Variants in CACNA1E observed in about 807,000 individuals in gnomAD.
The protein encoded by CACNA1E is calcium voltage-gated channel subunit alpha1 E.
Under a neutral mutation model 259.2 loss-of-function variants are expected in CACNA1E, and 40 were observed. The ratio of observed to expected loss-of-function variants is 0.15; its 90% CI spans 0.12 to 0.20. The LOEUF (loss-of-function observed/expected upper bound fraction) is 0.20. Ranked by LOEUF, CACNA1E falls within the 10% of genes least tolerant of loss-of-function variation. The pLI is 1.00. For synonymous variants in CACNA1E, 1,104 were observed against 1,138.5 expected (o/e 0.97, Z 0.61); for missense variants, 1,874 against 3,040.1 (o/e 0.62, Z 9.02).
chr1:181,680,487 G>A (rs548004257), intron 7 of CACNA1E, among the ~76,000 whole-genome samples: 1 of 152,244 alleles, frequency 6.6e-6, no homozygotes, highest in Admixed American at 6.5e-5. Flanking sequence ...CCAACCCACA[G>A]GGCCGGGAAA....
At chr1:181,649,813 G>A (rs905636707) in intron 6 of CACNA1E, among the ~76,000 whole-genome samples, 1 of 152,124 alleles carries the variant, frequency 6.6e-6, no homozygotes, top group African/African-American at 2.4e-5. Context: ...GAGAACACAT[G>A]GACATATAGA....
At chr1:181,546,016 T>A (rs1572165180) in intron 3 of CACNA1E, among the ~76,000 whole-genome samples, 1 of 151,904 alleles carries the variant, frequency 6.6e-6, no homozygotes, top group Non-Finnish European at 1.5e-5. Flanking sequence ...AGGGTTGGGG[T>A]GCTGCAGGAG....
intron 30 of CACNA1E, 40 bp downstream of exon 30, chr1:181,757,166 C>G: frequency 6.9e-7 from 1 of 1,441,552 alleles, no homozygotes; most frequent in Non-Finnish European, 9.7e-7. Flanking sequence ...AGCAGAGGCT[C>G]CAGAAAGGAT....
At chr1:181,734,388 C>T (rs1228707200) in intron 21 of CACNA1E, among the ~76,000 whole-genome samples, 6 of 151,782 alleles carry the variant, frequency 4.0e-5, no homozygotes, top group Non-Finnish European at 8.8e-5. Flanking sequence ...AAAAAAAAAG[C>T]ACTTCCCCAC....
chr1:181,350,530 A>G (rs900125284), intron 1 of CACNA1E, among the ~76,000 whole-genome samples: 2 of 152,302 alleles, frequency 1.3e-5, no homozygotes, highest in African/African-American at 4.8e-5. Flanking sequence ...GGAACCTCAC[A>G]AGGACTCGCA....
intron 1 of CACNA1E, among the ~76,000 whole-genome samples, chr1:181,388,840 A>C (rs1656046712): frequency 6.6e-6 from 1 of 152,066 alleles, no homozygotes; most frequent in South Asian, 2.1e-4. Flanking sequence ...GCAGTAAGCC[A>C]AGATGGCGCC....
chr1:181,554,422 T>A (rs892578477), intron 3 of CACNA1E, among the ~76,000 whole-genome samples: 1 of 152,260 alleles, frequency 6.6e-6, no homozygotes, highest in South Asian at 2.1e-4. Flanking sequence ...GCAGATGAGA[T>A]TTTTGTCAAG....
intron 40 of CACNA1E, among the ~76,000 whole-genome samples, chr1:181,784,299 G>T (rs1415859529): frequency 6.6e-6 from 1 of 152,148 alleles, no homozygotes; most frequent in African/African-American, 2.4e-5. Flanking sequence ...TGGAGTTAGG[G>T]TTGCTGGAGG....
chr1:181,426,944 C>G (rs1659314591), intron 2 of CACNA1E, among the ~76,000 whole-genome samples: 1 of 148,304 alleles, frequency 6.7e-6, no homozygotes, highest in Non-Finnish European at 1.5e-5. Flanking sequence ...CGCTGCCCAT[C>G]TCAACCCCTT....
chr1:181,501,296 C>T (rs141695252), intron 1 of CACNA1E, among the ~76,000 whole-genome samples: 161 of 152,312 alleles, frequency 1.1e-3, no homozygotes, highest in African/African-American at 3.8e-3. Context: ...GGAGACAGTA[C>T]TGTCTTATTT....
intron 3 of CACNA1E, among the ~76,000 whole-genome samples, chr1:181,535,110 G>A (rs1024660382): frequency 9.9e-5 from 15 of 152,140 alleles, no homozygotes; most frequent in Non-Finnish European, 1.8e-4. Context: ...CTTATGCACC[G>A]TCAGAATAAA....
chr1:181,755,431 C>A, intron 28 of CACNA1E, 34 bp downstream of exon 28: 1 of 1,586,968 alleles, frequency 6.3e-7, no homozygotes, highest in Non-Finnish European at 8.6e-7. Flanking sequence ...CTTGATTTTG[C>A]TGAAGCATGT....
At chr1:181,634,424 C>T (rs971156351) in intron 6 of CACNA1E, among the ~76,000 whole-genome samples, 2 of 152,232 alleles carry the variant, frequency 1.3e-5, no homozygotes, top group East Asian at 1.9e-4. Flanking sequence ...GCGAGACTGT[C>T]TTCCATGCAG....
chr1:181,546,934 C>A (rs1014461182), intron 3 of CACNA1E, among the ~76,000 whole-genome samples: 2 of 152,124 alleles, frequency 1.3e-5, no homozygotes, highest in Non-Finnish European at 2.9e-5. Flanking sequence ...TTAAATCAAG[C>A]GATCTGTTCT....
At chr1:181,602,070 C>T (rs1191018498) in intron 6 of CACNA1E, among the ~76,000 whole-genome samples, 1 of 152,208 alleles carries the variant, frequency 6.6e-6, no homozygotes, top group Non-Finnish European at 1.5e-5. Context: ...TCCTGACCAT[C>T]GTATTTAAAA....
chr1:181,462,933 T>G (rs767522042), intron 2 of CACNA1E, among the ~76,000 whole-genome samples: 32 of 145,030 alleles, frequency 2.2e-4, no homozygotes, highest in Non-Finnish European at 4.0e-4. Flanking sequence ...GCTATAATTT[T>G]TTGTTATTAC....
rs1655563590 is a variant in CACNA1E, at chr1:181,732,321, G to A, written c.2298-63G>A. The A allele has an allele frequency of 2.8e-6, 4 of 1,454,442 alleles. No homozygotes were observed. The South Asian group carries it at 4.4e-5, about 16-fold the overall frequency. 90.1% of individuals were successfully genotyped at this position (1,454,442 alleles called of 1,614,324 possible). A position where few individuals can be genotyped will look rare whatever the true frequency, so the allele number is the denominator to read the frequency against. On this transcript the variant is annotated intron_variant, in intron 19 of 47. Coordinates refer to ENST00000367573, the MANE Select transcript of CACNA1E (RefSeq NM_001205293.3). This position sits in a 1 kb window ranked among gnomAD's most constrained non-coding sequence, Gnocchi z 5.5. ...TCCTGCCCTCTCACATGGCCCCTGTGGCCACCCTCCCTGCCTGCAGCTTCT... is the reference window on the plus strand; with the variant it reads ...TCCTGCCCTCTCACATGGCCCCTGTAGCCACCCTCCCTGCCTGCAGCTTCT...
At position 181,732,565 on chromosome 1, in the gene CACNA1E, T is replaced by C. The variant is rs982264029; in HGVS notation, c.2479T>C (p.Tyr827His). ...LNPLNAHPSL[Y>H]RRPRAIEGLA... ...CCCGCTCAATGCCCACCCCAGCCTT[T>C]ATCGGCGACCCAGGGCCATTGAGGG... Residue 827 changes from tyrosine to histidine, a missense_variant, in exon 20 of 48, where the codon TAT becomes CAT. Physicochemically the swap from Tyr to His is moderately conservative, Grantham distance 83 (BLOSUM62 2). Coordinates refer to ENST00000367573, the MANE Select transcript of CACNA1E (RefSeq NM_001205293.3). The surrounding 1 kb of genome is among the most constrained non-coding windows in gnomAD (Gnocchi z 5.5). 7 of 1,539,736 alleles carry C rather than the reference T, an allele frequency of 4.5e-6. No individual in the cohort carries two copies. The highest frequency in any genetic ancestry group is 6.1e-6 in the Non-Finnish European group (7 of 1,141,472).
chr1:181,674,366 G>C (rs1211299467), intron 7 of CACNA1E, among the ~76,000 whole-genome samples: 1 of 120,462 alleles, frequency 8.3e-6, no homozygotes, highest in Non-Finnish European at 1.6e-5. Context: ...GTGCACTCCA[G>C]TGTGGGTGAC....
Sources: gnomAD v4.1 joint callset for allele counts (sites outside exome capture counted in the v4.1 genomes callset) on GRCh38, gnomAD v4.1.1 for gene constraint, Gnocchi (gnomAD v3.1) non-coding constraint, MANE v1.5 for transcripts, NCBI Gene and HGNC (gene_info 2026-07-23, HGNC 2026-07-21) for gene names.